Variants in CFAP276 observed in about 807,000 individuals in gnomAD.
CFAP276 encodes cilia and flagella associated protein 276.
At chr1:109,113,823 C>T in the CFAP276 span, 1 of 856,040 alleles carries the variant, frequency 1.2e-6, no homozygotes, top group South Asian at 1.7e-5. Flanking sequence ...AGCCCCGGGC[C>T]TGCCTGTTGG....
At chr1:109,110,391 T>C in the CFAP276 span, among the ~76,000 whole-genome samples, 2 of 152,206 alleles carry the variant, frequency 1.3e-5, no homozygotes, top group Non-Finnish European at 1.5e-5. Context: ...AAACTGCTCT[T>C]GCTAGTTATC....
chr1:109,113,822 C>G, the CFAP276 span: 1 of 866,750 alleles, frequency 1.2e-6, no homozygotes, highest in Admixed American at 2.6e-5. Flanking sequence ...GAGCCCCGGG[C>G]CTGCCTGTTG....
chr1:109,113,416 A>AGAGAG, the CFAP276 span, among the ~76,000 whole-genome samples: 8 of 68,084 alleles, frequency 1.2e-4, no homozygotes, highest in South Asian at 4.7e-4. Flanking sequence ...GAGAGAGAGA[A>AGAGAG]AGAGAGAGAG....
At chr1:109,113,488 G>T in the CFAP276 span, 1 of 747,246 alleles carries the variant, frequency 1.3e-6, no homozygotes. Context: ...CGGCGCTTGG[G>T]AAATTGCGGC....
At chr1:109,110,910 C>T in the CFAP276 span, among the ~76,000 whole-genome samples, 1 of 152,188 alleles carries the variant, frequency 6.6e-6, no homozygotes, top group African/African-American at 2.4e-5. Flanking sequence ...AGGAACCCAG[C>T]AGCTATCCTA....
At chr1:109,113,416 AAGAG>A in the CFAP276 span, among the ~76,000 whole-genome samples, 4,181 of 67,682 alleles carry the variant, frequency 0.062, 188 homozygotes, top group South Asian at 0.081. Context: ...GAGAGAGAGA[AAGAG>A]AGAGAGAGAG....
the CFAP276 span, chr1:109,106,018 T>G: frequency 6.2e-7 from 1 of 1,607,262 alleles, no homozygotes; most frequent in South Asian, 1.1e-5. Context: ...AGTTCAGGGA[T>G]CTGTCAACAC....
the CFAP276 span, chr1:109,112,890 A>T: frequency 2.9e-6 from 2 of 686,732 alleles, no homozygotes; most frequent in Non-Finnish European, 4.4e-6. Flanking sequence ...AGCTCCGGGG[A>T]CTGCAGAGGG....
At chr1:109,110,471 G>A in the CFAP276 span, among the ~76,000 whole-genome samples, 1 of 152,068 alleles carries the variant, frequency 6.6e-6, no homozygotes, top group East Asian at 1.9e-4. Context: ...GCTGTTTCTG[G>A]CACCATAATG....
At chr1:109,111,472 CAA>C in the CFAP276 span, among the ~76,000 whole-genome samples, 5 of 141,488 alleles carry the variant, frequency 3.5e-5, no homozygotes, top group African/African-American at 5.4e-5. Flanking sequence ...GACCCTGTCT[CAA>C]AAAAAAAAAA....
the CFAP276 span, among the ~76,000 whole-genome samples, chr1:109,113,109 G>T: frequency 6.6e-6 from 1 of 152,268 alleles, no homozygotes; most frequent in South Asian, 2.1e-4. Flanking sequence ...ACCAAAGAGG[G>T]CCGGGCGCGG....
the CFAP276 span, among the ~76,000 whole-genome samples, chr1:109,113,316 C>T: frequency 1.3e-5 from 2 of 151,392 alleles, no homozygotes; most frequent in Non-Finnish European, 2.9e-5. Context: ...TCTCTTGAAC[C>T]CGGAAGGCGG....
At chr1:109,113,652 C>T in the CFAP276 span, 1 of 1,614,024 alleles carries the variant, frequency 6.2e-7, no homozygotes, top group Non-Finnish European at 8.5e-7. Context: ...TTCCAGGCGA[C>T]GACGTCTGGA....
the CFAP276 span, among the ~76,000 whole-genome samples, chr1:109,111,734 T>C: frequency 6.6e-6 from 1 of 152,234 alleles, no homozygotes; most frequent in East Asian, 1.9e-4. Flanking sequence ...TCCTTCTTCC[T>C]AACTCACATT....
At chr1:109,109,986 C>A in the CFAP276 span, among the ~76,000 whole-genome samples, 3 of 152,174 alleles carry the variant, frequency 2.0e-5, no homozygotes, top group African/African-American at 4.8e-5. Context: ...TCCTCCCACT[C>A]TCCTTGAAGA....
chr1:109,112,635 G>C, the CFAP276 span: 4 of 1,550,612 alleles, frequency 2.6e-6, no homozygotes, highest in South Asian at 4.8e-5. Flanking sequence ...AGGAATCATC[G>C]TTATCTAATG....
At chr1:109,110,895 C>A in the CFAP276 span, among the ~76,000 whole-genome samples, 1 of 152,162 alleles carries the variant, frequency 6.6e-6, no homozygotes, top group Admixed American at 6.6e-5. Flanking sequence ...CAGAATTAAA[C>A]CGTTAGGAAC....
the CFAP276 span, chr1:109,113,795 C>T: frequency 1.7e-6 from 2 of 1,185,038 alleles, no homozygotes; most frequent in Non-Finnish European, 2.5e-6. Context: ...AGGATGCTTC[C>T]ACTGTGTTCT....
the CFAP276 span, chr1:109,113,586 G>A: frequency 2.6e-5 from 41 of 1,595,418 alleles, no homozygotes; most frequent in African/African-American, 5.0e-4. Flanking sequence ...TGGATTTGGC[G>A]GGATGTAAGA....
Sources: gnomAD v4.1 joint callset for allele counts (sites outside exome capture counted in the v4.1 genomes callset) on GRCh38, gnomAD v4.1.1 for gene constraint, MANE v1.5 for transcripts, NCBI Gene and HGNC (gene_info 2026-07-23, HGNC 2026-07-21) for gene names.